The following PCDH15 variants were observed in gnomAD, a reference collection of about 807,000 sequenced individuals.
PCDH15 encodes the protein protocadherin-15.
A neutral mutation model predicts 178.5 loss-of-function variants in PCDH15; 129 were observed. The observed-to-expected ratio is 0.72, with a 90% CI of 0.63 to 0.84. PCDH15 has a LOEUF of 0.84. Ranked by LOEUF, PCDH15 falls within the 40% of genes least tolerant of loss-of-function variation. The probability of loss-of-function intolerance (pLI) is 0.00; values close to 1 mark genes in which losing one functional copy is unlikely to be tolerated. For synonymous variants in PCDH15, 800 were observed against 732.0 expected, an observed-to-expected ratio of 1.09 and a Z score of -1.50; for missense variants, 2,230 against 2,099.9, an observed-to-expected ratio of 1.06 and a Z score of -1.21.
chr10:55,063,971 A>C (rs552579216), intron 2 of PCDH15, among the ~76,000 whole-genome samples: 5 of 152,238 alleles, frequency 3.3e-5, no homozygotes, highest in Middle Eastern at 3.4e-3. Context: ...ATTTTGTTTC[A>C]TGCCTTTAGA....
At chr10:55,282,548 A>G (rs564017375) in intron 1 of PCDH15, among the ~76,000 whole-genome samples, 2 of 152,190 alleles carry the variant, frequency 1.3e-5, no homozygotes, top group African/African-American at 4.8e-5. Context: ...TCTGAGAGTA[A>G]ATTCAATTGC....
chr10:54,684,786 A>G (rs2094963189), intron 1 of PCDH15, among the ~76,000 whole-genome samples: 1 of 143,278 alleles, frequency 7.0e-6, no homozygotes, highest in African/African-American at 2.5e-5. Context: ...ACTCCAGGTC[A>G]AATCATTTGA....
At chr10:55,590,525 A>T (rs1348552723) in intron 2 of PCDH15, among the ~76,000 whole-genome samples, 1 of 152,164 alleles carries the variant, frequency 6.6e-6, no homozygotes, top group African/African-American at 2.4e-5. Context: ...TTAACAGTTC[A>T]TCTCAATTTT....
At chr10:55,059,987 TAA>T (rs5785114) in intron 2 of PCDH15, among the ~76,000 whole-genome samples, 2,273 of 150,854 alleles carry the variant, frequency 0.015, 64 homozygotes, top group African/African-American at 0.052. Flanking sequence ...TACAAAAAAT[TAA>T]AAAAAAAAAT....
chr10:54,291,511 C>T (rs2384438), intron 8 of PCDH15, among the ~76,000 whole-genome samples: 110,130 of 152,044 alleles, frequency 0.72, 40,872 homozygotes, highest in Middle Eastern at 0.82. Flanking sequence ...AAAAAACCCT[C>T]CAAAAATCAG....
At chr10:55,382,923 G>A in intron 2 of PCDH15, among the ~76,000 whole-genome samples, 1 of 152,170 alleles carries the variant, frequency 6.6e-6, no homozygotes, top group East Asian at 1.9e-4. Context: ...AGCATCTATG[G>A]GTGTGTTACA....
chr10:55,525,702 A>G (rs1841288833), intron 2 of PCDH15, among the ~76,000 whole-genome samples: 1 of 151,906 alleles, frequency 6.6e-6, no homozygotes, highest in Non-Finnish European at 1.5e-5. Flanking sequence ...TTGACAGACA[A>G]TGTAATTTTT....
intron 30 of PCDH15, among the ~76,000 whole-genome samples, chr10:53,830,478 G>A (rs12763311): frequency 0.069 from 10,487 of 152,002 alleles, 403 homozygotes; most frequent in East Asian, 0.098. Context: ...GGCACACTCA[G>A]GGCTACTTCT....
intron 4 of PCDH15, among the ~76,000 whole-genome samples, chr10:54,371,918 T>G (rs2134796267): frequency 6.6e-6 from 1 of 151,946 alleles, no homozygotes; most frequent in South Asian, 2.1e-4. Flanking sequence ...CAGACTATTC[T>G]ATAAAACAAG....
rs1201156130 is a variant in PCDH15, at chr10:53,855,920, A to ATATATATGTGTGTG, written c.3806+1254_3806+1255insCACACACATATATA. Among the ~76,000 whole-genome samples the ATATATATGTGTGTG allele has an allele frequency of 6.5e-4, 91 of 140,402 alleles. 11 individuals are homozygous for ATATATATGTGTGTG. In the East Asian group the frequency reaches 0.026, roughly 41 times the overall value. The allele number at this position is 140,402 out of a possible 152,430, so 92.1% of individuals were successfully genotyped here. A position where few individuals can be genotyped will look rare whatever the true frequency, so the allele number is the denominator to read the frequency against. ...AGGTGATATGTATATATATATATAT[A>ATATATATGTGTGTG]TGTATGTGTGTGTGTGTAATGAAAT... is the stretch of plus-strand genomic sequence containing the variant. On this transcript the variant is annotated intron_variant, in intron 28 of 37. Transcript: ENST00000644397.
intron 1 of PCDH15, among the ~76,000 whole-genome samples, chr10:54,767,093 A>T (rs1034106838): frequency 6.6e-6 from 1 of 152,116 alleles, no homozygotes; most frequent in African/African-American, 2.4e-5. Flanking sequence ...ATACATGACA[A>T]CATCTTCATG....
At chr10:55,156,746 CCTAAG>C (rs1838901563) in intron 2 of PCDH15, among the ~76,000 whole-genome samples, 1 of 151,942 alleles carries the variant, frequency 6.6e-6, no homozygotes, top group Non-Finnish European at 1.5e-5. Flanking sequence ...GAGTTTGTAA[CCTAAG>C]CTAAGTCAAT....
At chr10:54,448,818 C>T (rs1409743371) in intron 3 of PCDH15, among the ~76,000 whole-genome samples, 1 of 151,710 alleles carries the variant, frequency 6.6e-6, no homozygotes, top group Non-Finnish European at 1.5e-5. Flanking sequence ...GTCATTTAAT[C>T]AAACCCAGTT....
At chr10:55,368,249 G>A (rs1035523419) in intron 2 of PCDH15, among the ~76,000 whole-genome samples, 1 of 152,056 alleles carries the variant, frequency 6.6e-6, no homozygotes, top group African/African-American at 2.4e-5. Context: ...CCAATTTTCA[G>A]TGTACACATA....
At chr10:54,058,012 C>G (rs2093934002) in intron 18 of PCDH15, among the ~76,000 whole-genome samples, 1 of 152,184 alleles carries the variant, frequency 6.6e-6, no homozygotes, top group Non-Finnish European at 1.5e-5. Context: ...TTGTCCATAT[C>G]ACTATCAGCA....
intron 8 of PCDH15, among the ~76,000 whole-genome samples, chr10:54,278,975 A>T (rs1400788733): frequency 3.3e-5 from 5 of 151,608 alleles, no homozygotes; most frequent in Admixed American, 6.6e-5. Context: ...GATATTATAC[A>T]ATAAACATCT....
intron 2 of PCDH15, among the ~76,000 whole-genome samples, chr10:55,433,523 T>C (rs747036457): frequency 2.6e-5 from 4 of 152,110 alleles, no homozygotes; most frequent in Non-Finnish European, 4.4e-5. Flanking sequence ...CCCGATGACA[T>C]GCAATTTAGC....
At chr10:54,765,812 GC>G (rs1948438896) in intron 1 of PCDH15, among the ~76,000 whole-genome samples, 1 of 152,048 alleles carries the variant, frequency 6.6e-6, no homozygotes, top group South Asian at 2.1e-4. Context: ...TTAGGACATG[GC>G]ATAACCTCCA....
intron 2 of PCDH15, among the ~76,000 whole-genome samples, chr10:55,435,411 TTAAA>T (rs1839015535): frequency 6.6e-6 from 1 of 152,170 alleles, no homozygotes; most frequent in Non-Finnish European, 1.5e-5. Context: ...AAATAGTTAA[TTAAA>T]TAATTTAAAA....
Sources: gnomAD v4.1 joint callset for allele counts (sites outside exome capture counted in the v4.1 genomes callset) on GRCh38, gnomAD v4.1.1 for gene constraint, MANE v1.5 for transcripts, NCBI Gene and HGNC (gene_info 2026-07-23, HGNC 2026-07-21) for gene names.